The following FAAH variants were observed in gnomAD, a reference collection of about 807,000 sequenced individuals.
FAAH encodes fatty acid amide hydrolase, also known as fatty-acid amide hydrolase 1.
FAAH carries 63 observed loss-of-function variants against 69.7 expected under a neutral mutation model. The observed-to-expected ratio is 0.90, with a 90% CI of 0.74 to 1.12. The LOEUF is 1.12. Ranked by LOEUF, FAAH falls within the 50% of genes most tolerant of loss-of-function variation. The pLI is 0.00. For synonymous variants in FAAH, 305 were observed against 324.2 expected (o/e 0.94, Z 0.64); for missense variants, 680 against 755.0 (o/e 0.90, Z 1.16).
rs45440395 is a variant in FAAH at position 46,413,340 on chromosome 1, A to G, written c.1612-107A>G. The stretch of plus-strand genomic sequence containing the variant: ...TTTCTTAAGCAAGACCTGAAGGACT[A>G]TGGCCTGGCCCTACGTTGTGGCCTC... On this transcript the variant is annotated intron_variant, in intron 14 of 14. Coordinates refer to ENST00000243167, the MANE Select transcript of FAAH (RefSeq NM_001441.3). 5.9e-4 allele frequency: 948 copies of G among 1,609,588 alleles called. 1 individual carries two copies. Among genetic ancestry groups the G allele is most frequent in the Non-Finnish European group, 7.8e-4 (919 of 1,177,478 alleles).
At chr1:46,406,207 C>T (rs754643838) in intron 6 of FAAH, 37 bp from the exon 7 acceptor site, 6 of 1,614,046 alleles carry the variant, frequency 3.7e-6, no homozygotes, top group Non-Finnish European at 5.1e-6. Flanking sequence ...TTCCTCGCTC[C>T]TTGTCTGCTT....
rs892530472 is a variant in FAAH at position 46,394,437 on chromosome 1, G to A, written c.89G>A (p.Arg30His). 6.4e-6 allele frequency: 9 copies of A among 1,397,038 alleles called. No individual in the cohort carries two copies. Among genetic ancestry groups the A allele is most frequent in the Non-Finnish European group, 8.3e-6 (9 of 1,083,328 alleles). The allele number at this position is 1,397,038 out of a possible 1,614,324, so 86.5% of individuals were successfully genotyped here. ...CCFVAAAVAL[R>H]WSGRRTARGA... is the part of the protein sequence containing the mutation. Reference sequence around the variant, plus strand: ...TTCGTGGCGGCGGCCGTGGCCCTGCGCTGGTCCGGGCGCCGGACGGCGCGG... The same window carrying A: ...TTCGTGGCGGCGGCCGTGGCCCTGCACTGGTCCGGGCGCCGGACGGCGCGG... The change falls in exon 1 of 15, where the codon CGC (arginine) becomes CAC (histidine). Residue 30 changes from arginine to histidine, a missense_variant. Coordinates refer to ENST00000243167, the MANE Select transcript of FAAH (RefSeq NM_001441.3).
At position 46,413,667 on chromosome 1, in the gene FAAH, C is replaced by G. The variant is rs771557656; in HGVS notation, c.*92C>G. On this transcript the variant is annotated 3_prime_UTR_variant, in exon 15 of 15. Transcript: ENST00000243167. Reference sequence around the variant, plus strand: ...CCCTGCTGCCACAGCAAGGAAATGTCCTGCATGGGGCAGAGGCTTCCGTGT... The same window carrying G: ...CCCTGCTGCCACAGCAAGGAAATGTGCTGCATGGGGCAGAGGCTTCCGTGT... 9.5e-6 allele frequency: 15 copies of G among 1,585,802 alleles called. No individual in the cohort carries two copies. The highest frequency in any genetic ancestry group is 1.3e-5 in the Non-Finnish European group (15 of 1,158,882).
Position 46,406,087 on chromosome 1 carries a change from C to G in FAAH, c.826+9C>G. On this transcript the variant is annotated intron_variant, in intron 6 of 14. Transcript: ENST00000243167. The stretch of plus-strand genomic sequence containing the variant: ...CTATGGACAGGAGGCAGGTGAGGTC[C>G]GTGGTGCTCTCAGTGCCCCGAGGAG... 1.9e-6 allele frequency: 3 copies of G among 1,614,200 alleles called. No individual in the cohort carries two copies. The highest frequency in any genetic ancestry group is 1.7e-5 in the Admixed American group (1 of 60,038).
Position 46,413,174 on chromosome 1 carries a change from A to T in FAAH, c.1565A>T (p.His522Leu). Residue 522 changes from histidine (H) to leucine (L), a missense_variant, in exon 14 of 15, where the codon CAT becomes CTT. Physicochemically the swap from His to Leu is moderately conservative, Grantham distance 99. Coordinates refer to ENST00000243167, the MANE Select transcript of FAAH (RefSeq NM_001441.3). ...GCTGAGGACGAGGCCCAGATGGAAC[A>T]TTACAGGGGCTACTTTGGGGATATC... Reference protein sequence around the residue: ...VTAEDEAQMEHYRGYFGDIWD... With the variant: ...VTAEDEAQMELYRGYFGDIWD... 2.5e-6 allele frequency: 4 copies of T among 1,614,168 alleles called. No homozygotes were observed. The highest frequency in any genetic ancestry group is 3.4e-6 in the Non-Finnish European group (4 of 1,180,022).
rs1569814478 is a variant in FAAH, at chr1:46,404,909, C to G, written c.310-105C>G. The G allele has an allele frequency of 4.0e-6, 6 of 1,508,090 alleles. No homozygotes were observed. Among genetic ancestry groups the G allele is most frequent in the South Asian group, 1.2e-5 (1 of 86,310 alleles). The allele number at this position is 1,508,090 out of a possible 1,614,324, so 93.4% of individuals were successfully genotyped here. On this transcript the variant is annotated intron_variant, in intron 2 of 14. Coordinates refer to ENST00000243167, the MANE Select transcript of FAAH (RefSeq NM_001441.3). The surrounding 1 kb of genome is among the most constrained non-coding windows in gnomAD (Gnocchi z 4.5). Reference sequence around the variant, plus strand: ...GGGCCATGTTGCTGGTTACCCCTCTCCCTGGGTATACTTTAAAAGGCCAGT... The same window carrying G: ...GGGCCATGTTGCTGGTTACCCCTCTGCCTGGGTATACTTTAAAAGGCCAGT...
chr1:46,396,475 G>A (rs574407040), intron 1 of FAAH, among the ~76,000 whole-genome samples: 8 of 152,268 alleles, frequency 5.3e-5, no homozygotes, highest in Admixed American at 5.2e-4. Context: ...TTCCCACAAG[G>A]CCGTATCTCA....
chr1:46,410,905 G>C lies in FAAH; in HGVS notation c.1316+51G>C. Reference sequence around the variant, plus strand: ...CCGGCCCCTGCCTGTCCTGATCCGAGTCTGGGTCTGGGTAGTTTCTGACAG... The same window carrying C: ...CCGGCCCCTGCCTGTCCTGATCCGACTCTGGGTCTGGGTAGTTTCTGACAG... On this transcript the variant is annotated intron_variant, in intron 11 of 14. Coordinates refer to ENST00000243167, the MANE Select transcript of FAAH (RefSeq NM_001441.3). The surrounding 1 kb of genome is among the most constrained non-coding windows in gnomAD (Gnocchi z 4.9). 6.2e-7 allele frequency: 1 copy of C among 1,606,548 alleles called. No individual in the cohort carries two copies. The highest frequency in any genetic ancestry group is 8.5e-7 in the Non-Finnish European group (1 of 1,173,026).
intron 1 of FAAH, 74 bp from the exon 2 acceptor site, chr1:46,402,017 T>C (rs1664711131): frequency 7.8e-7 from 1 of 1,274,524 alleles, no homozygotes; most frequent in South Asian, 1.3e-5. Flanking sequence ...TGCTGGGGCA[T>C]GGGCCACTGG....
intron 1 of FAAH, among the ~76,000 whole-genome samples, chr1:46,401,881 A>G (rs572632170): frequency 1.3e-5 from 2 of 152,040 alleles, no homozygotes; most frequent in Admixed American, 6.5e-5. Context: ...CACTGTCTCT[A>G]AGGAAAAAAA....
intron 7 of FAAH, among the ~76,000 whole-genome samples, chr1:46,407,195 G>T (rs1000636414): frequency 1.3e-5 from 2 of 152,116 alleles, no homozygotes; most frequent in African/African-American, 4.8e-5. Flanking sequence ...TGCTTTCTGT[G>T]GCGAGGCAGC....
Position 46,410,997 on chromosome 1 carries a change from C to G in FAAH, c.1316+143C>G. 1.1e-6 allele frequency: 1 copy of G among 941,332 alleles called. No individual in the cohort carries two copies. Among genetic ancestry groups the G allele is most frequent in the Non-Finnish European group, 1.7e-6 (1 of 586,690 alleles). 58.3% of individuals were successfully genotyped at this position (941,332 alleles called of 1,614,324 possible). A position where few individuals can be genotyped will look rare whatever the true frequency, so the allele number is the denominator to read the frequency against. ...CCAGGCAGGGGGGCAACCTTTGTGG[C>G]CTTCAGATGGGACTTTGAAGTTGTC... On this transcript the variant is annotated intron_variant, in intron 11 of 14. Transcript: ENST00000243167. The surrounding 1 kb of genome is among the most constrained non-coding windows in gnomAD (Gnocchi z 4.9).
intron 1 of FAAH, among the ~76,000 whole-genome samples, chr1:46,396,240 A>G (rs1664594575): frequency 6.6e-6 from 1 of 152,184 alleles, no homozygotes; most frequent in South Asian, 2.1e-4. Context: ...AAACAACAGT[A>G]TTGTCACCAG....
chr1:46,408,205 G>A (rs1381741578), intron 7 of FAAH, among the ~76,000 whole-genome samples: 1 of 152,160 alleles, frequency 6.6e-6, no homozygotes, highest in Non-Finnish European at 1.5e-5. Context: ...GCAAGTCCCA[G>A]TCCCACCTAA....
chr1:46,405,864 G>GGTTCCAAT lies in FAAH; in HGVS notation c.785+70_785+71insGTTCCAAT. 1 of 1,606,214 alleles carries GGTTCCAAT rather than the reference G, an allele frequency of 6.2e-7. No homozygotes were observed. Among genetic ancestry groups the GGTTCCAAT allele is most frequent in the Non-Finnish European group, 8.5e-7 (1 of 1,176,662 alleles). On this transcript the variant is annotated intron_variant, in intron 5 of 14. Transcript: ENST00000243167. This position sits in a 1 kb window ranked among gnomAD's most constrained non-coding sequence, Gnocchi z 4.1. The stretch of plus-strand genomic sequence containing the variant: ...TTGGCCTAGCTTCCAACCTCTCTGG[G>GGTTCCAAT]CTCCAGGCGGGGATTCGGTCTCCGG...
At chr1:46,412,328 G>T (rs1429440779) in intron 13 of FAAH, 77 bp downstream of exon 13, 1 of 1,274,660 alleles carries the variant, frequency 7.8e-7, no homozygotes, top group Non-Finnish European at 1.1e-6. Flanking sequence ...AATGGAAGAA[G>T]AGCCCTCTGG....
At position 46,405,823 on chromosome 1, in the gene FAAH, C is replaced by T; in HGVS notation, c.785+29C>T. 1 of 1,611,940 alleles carries T rather than the reference C, an allele frequency of 6.2e-7. No individual in the cohort carries two copies. The highest frequency in any genetic ancestry group is 8.5e-7 in the Non-Finnish European group (1 of 1,179,380). On this transcript the variant is annotated intron_variant, in intron 5 of 14. Transcript: ENST00000243167. The surrounding 1 kb of genome is among the most constrained non-coding windows in gnomAD (Gnocchi z 4.1). ...AGGTGGGTGGAGGGCGCTTCTGGGC[C>T]CCTCGCTGTGTGACCTTGGCCTAGC...
At chr1:46,406,447 G>GCC (rs1415215788) in intron 7 of FAAH, 79 bp downstream of exon 7, 8 of 1,592,548 alleles carry the variant, frequency 5.0e-6, no homozygotes, top group Non-Finnish European at 6.8e-6. Context: ...AGGCCTTGGA[G>GCC]CCCCTGTCTC....
At chr1:46,408,238 C>T (rs1664835938) in intron 7 of FAAH, among the ~76,000 whole-genome samples, 1 of 152,192 alleles carries the variant, frequency 6.6e-6, no homozygotes, top group Non-Finnish European at 1.5e-5. Context: ...GACCTCAAGC[C>T]TCAGTTTCCT....
Sources: gnomAD v4.1 joint callset for allele counts (sites outside exome capture counted in the v4.1 genomes callset) on GRCh38, gnomAD v4.1.1 for gene constraint, Gnocchi (gnomAD v3.1) non-coding constraint, MANE v1.5 for transcripts, NCBI Gene and HGNC (gene_info 2026-07-23, HGNC 2026-07-21) for gene names.